The following SYT2 variants were observed in gnomAD, a reference collection of about 807,000 sequenced individuals.
The protein encoded by SYT2 is synaptotagmin 2.
In SYT2, 15 loss-of-function variants were observed where a neutral mutation model predicts 39.9. That is an observed-to-expected ratio of 0.38 (90% CI 0.25 to 0.58). SYT2 has a LOEUF of 0.58. Among genes scored for constraint, SYT2 ranks in the 20% least tolerant of loss-of-function variants. SYT2 has a pLI of 0.70. For missense variants in SYT2, 389 were observed against 530.3 expected, an observed-to-expected ratio of 0.73 and a Z score of 2.62; for synonymous variants, 181 against 204.5, an observed-to-expected ratio of 0.89 and a Z score of 0.98.
chr1:202,692,809 C>A (rs1446301670), intron 1 of SYT2, among the ~76,000 whole-genome samples: 1 of 152,166 alleles, frequency 6.6e-6, no homozygotes, highest in African/African-American at 2.4e-5. Context: ...CCTGTAATCC[C>A]AGCACTTTGG....
At chr1:202,689,216 A>G (rs143200819) in intron 1 of SYT2, among the ~76,000 whole-genome samples, 167 of 152,260 alleles carry the variant, frequency 1.1e-3, no homozygotes, top group African/African-American at 3.8e-3. Flanking sequence ...AGATTAGCAC[A>G]TACCCCTGAG....
At chr1:202,642,971 G>A (rs1691962398) in intron 1 of SYT2, among the ~76,000 whole-genome samples, 1 of 152,246 alleles carries the variant, frequency 6.6e-6, no homozygotes, top group Admixed American at 6.5e-5. Flanking sequence ...CGGGCTCTCC[G>A]CGGGGAGAGA....
chr1:202,625,110 TG>T (rs1691348617), intron 1 of SYT2, among the ~76,000 whole-genome samples: 1 of 1,060 alleles, frequency 9.4e-4, no homozygotes, highest in African/African-American at 1.9e-3. Flanking sequence ...GTGTGTGGTG[TG>T]TGTGGTATGT....
chr1:202,690,526 A>G (rs1416305895), intron 1 of SYT2, among the ~76,000 whole-genome samples: 1 of 152,212 alleles, frequency 6.6e-6, no homozygotes, highest in Non-Finnish European at 1.5e-5. Context: ...CTCAAGCCCA[A>G]GCCATCAGTG....
At position 202,603,112 on chromosome 1, in the gene SYT2, C is replaced by T. The variant is rs1449043313; in HGVS notation, c.352G>A (p.Asp118Asn). ...TCAGTCAGGCCTGTCTCTGCGTCGT[C>T]GTCATCCTGTGGGAGCTGGGGGAGA... ...MKDMKGGQDDDDAETGLTEGE... is the reference protein window; with the variant it reads ...MKDMKGGQDDNDAETGLTEGE... Residue 118 changes from aspartate (D) to asparagine (N), a missense_variant, in exon 4 of 9, where the codon GAC becomes AAC. By Grantham distance (23) the Asp-to-Asn change is conservative. Transcript: ENST00000367268. 31 of 1,613,718 alleles carry T rather than the reference C, an allele frequency of 1.9e-5. No homozygotes were observed. The highest frequency in any genetic ancestry group is 2.5e-5 in the Non-Finnish European group (29 of 1,179,734).
intron 1 of SYT2, among the ~76,000 whole-genome samples, chr1:202,668,485 C>T (rs953193030): frequency 9.2e-5 from 14 of 152,092 alleles, no homozygotes; most frequent in Non-Finnish European, 1.5e-4. Flanking sequence ...GGTAGAATTA[C>T]TATAAGATCC....
At chr1:202,670,885 A>C (rs1572669979) in intron 1 of SYT2, among the ~76,000 whole-genome samples, 1 of 152,376 alleles carries the variant, frequency 6.6e-6, no homozygotes, top group Non-Finnish European at 1.5e-5. Flanking sequence ...TAAAACAAGG[A>C]GAATAACTGA....
At chr1:202,602,877 C>A in intron 4 of SYT2, 122 bp downstream of exon 4, 4 of 1,272,050 alleles carry the variant, frequency 3.1e-6, no homozygotes, top group Admixed American at 3.9e-5. Flanking sequence ...TTCCAGCCTG[C>A]CTCATTCTAT....
chr1:202,634,596 A>C lies in SYT2; in HGVS notation c.-17-28807T>G, dbSNP rs547715221. Among the ~76,000 whole-genome samples the C allele has an allele frequency of 4.3e-4, 66 of 152,372 alleles. 1 individual carries two copies. The East Asian group carries it at 0.011, about 26-fold the overall frequency. Reference sequence around the variant, plus strand: ...CCCTTCCACAAATGTTGATAGCAGCATTATTCAGAGTAGCTGAAAAGTGGA... The same window carrying C: ...CCCTTCCACAAATGTTGATAGCAGCCTTATTCAGAGTAGCTGAAAAGTGGA... On this transcript the variant is annotated intron_variant, in intron 1 of 8. Coordinates refer to ENST00000367268, the MANE Select transcript of SYT2 (RefSeq NM_177402.5).
chr1:202,621,926 G>A (rs895642337), intron 1 of SYT2, among the ~76,000 whole-genome samples: 2 of 152,136 alleles, frequency 1.3e-5, no homozygotes, highest in East Asian at 3.9e-4. Flanking sequence ...AAGCATATAT[G>A]TGTGTGTGTG....
At chr1:202,664,946 A>G (rs901178676) in intron 1 of SYT2, among the ~76,000 whole-genome samples, 2 of 152,256 alleles carry the variant, frequency 1.3e-5, no homozygotes, top group African/African-American at 4.8e-5. Context: ...GGCGTGAGCC[A>G]CTGCACCCGG....
In SYT2 at chr1:202,602,146, A is replaced by G. The variant is rs944782692; in HGVS notation, c.634-89T>C. 3.1e-6 allele frequency: 4 copies of G among 1,281,902 alleles called. No homozygotes were observed. In the East Asian group the frequency reaches 1.4e-4, roughly 44 times the overall value. 79.4% of individuals were successfully genotyped at this position (1,281,902 alleles called of 1,614,324 possible). A position where few individuals can be genotyped will look rare whatever the true frequency, so the allele number is the denominator to read the frequency against. ...GGCAGGGGCCTGCATTCCAGCCCAC[A>G]GGGTCCAGGTTAGTGTGCCGAGACA... is the stretch of plus-strand genomic sequence containing the variant. On this transcript the variant is annotated intron_variant, in intron 5 of 8. Coordinates refer to ENST00000367268, the MANE Select transcript of SYT2 (RefSeq NM_177402.5).
intron 1 of SYT2, among the ~76,000 whole-genome samples, chr1:202,655,547 C>A (rs1692263642): frequency 1.3e-5 from 2 of 152,108 alleles, no homozygotes; most frequent in Admixed American, 1.3e-4. Context: ...TCTTTATGTG[C>A]CCAACCTACG....
chr1:202,602,921 GC>G, intron 4 of SYT2, 77 bp downstream of exon 4: 2 of 1,542,990 alleles, frequency 1.3e-6, no homozygotes, highest in Non-Finnish European at 1.8e-6. Flanking sequence ...CTCTGAGGGA[GC>G]TGTTTCTATC....
chr1:202,624,390 A>C (rs1304028569), intron 1 of SYT2, among the ~76,000 whole-genome samples: 1 of 149,610 alleles, frequency 6.7e-6, no homozygotes, highest in African/African-American at 2.5e-5. Context: ...TGTGGTGTGT[A>C]CGTATGTGTG....
intron 1 of SYT2, among the ~76,000 whole-genome samples, chr1:202,610,126 C>T (rs1279635671): frequency 4.0e-5 from 6 of 151,800 alleles, no homozygotes; most frequent in African/African-American, 1.5e-4. Context: ...TTTCCCAGCA[C>T]CATTTATTAA....
chr1:202,631,210 G>T (rs1367714371), intron 1 of SYT2, among the ~76,000 whole-genome samples: 2 of 152,184 alleles, frequency 1.3e-5, no homozygotes, highest in Admixed American at 6.5e-5. Context: ...AGCCAGCATG[G>T]GTGAGCATCT....
intron 1 of SYT2, among the ~76,000 whole-genome samples, chr1:202,651,586 T>G (rs1692194863): frequency 6.6e-6 from 1 of 152,200 alleles, no homozygotes; most frequent in Non-Finnish European, 1.5e-5. Context: ...TCCAGACTAT[T>G]GGACTCAAAT....
intron 1 of SYT2, among the ~76,000 whole-genome samples, chr1:202,677,274 G>T (rs1238353786): frequency 1.3e-5 from 2 of 152,186 alleles, no homozygotes; most frequent in African/African-American, 4.8e-5. Context: ...ATGTGACTTT[G>T]ATGTTGAGAG....
Sources: gnomAD v4.1 joint callset for allele counts (sites outside exome capture counted in the v4.1 genomes callset) on GRCh38, gnomAD v4.1.1 for gene constraint, MANE v1.5 for transcripts, NCBI Gene and HGNC (gene_info 2026-07-23, HGNC 2026-07-21) for gene names.